Variants in EVC2 observed in about 807,000 individuals in gnomAD.
EVC2 encodes the protein EvC ciliary complex subunit 2, also known as limbin.
In EVC2, 148 loss-of-function variants were observed where a neutral mutation model predicts 149.3. The ratio of observed to expected loss-of-function variants is 0.99; its 90% CI spans 0.87 to 1.14. EVC2 has a LOEUF of 1.14. EVC2 is among the 50% of genes most tolerant of loss of function. The pLI, the probability that EVC2 is intolerant of heterozygous loss-of-function variation, is 0.00. For synonymous variants in EVC2, 776 were observed against 649.9 expected (o/e 1.19, Z -2.95); for missense variants, 1,854 against 1,627.3 (o/e 1.14, Z -2.40).
rs1333630218 is a variant in EVC2 at position 5,662,442 on chromosome 4, T to C, written c.1145+665A>G. The stretch of plus-strand genomic sequence containing the variant: ...GTTATTAGTTCAATAGTTTATTGAA[T>C]AAACTAATTATTCAATAATTATTAT... On this transcript the variant is annotated intron_variant, in intron 9 of 21. Transcript: ENST00000344408. 2.0e-5 allele frequency among the ~76,000 whole-genome samples: 3 copies of C among 146,944 alleles called. 1 individual carries two copies. Among genetic ancestry groups the C allele is most frequent in the African/African-American group, 7.5e-5 (3 of 40,254 alleles).
intron 13 of EVC2, among the ~76,000 whole-genome samples, chr4:5,623,807 T>TGGAG (rs1715911450): frequency 2.0e-5 from 3 of 152,222 alleles, no homozygotes; most frequent in South Asian, 4.1e-4. Flanking sequence ...TTACCCTCTC[T>TGGAG]GCGCCTCCAT....
rs1249566300 is a variant in EVC2, at chr4:5,618,045, C to T, written c.2706+433G>A. Among the ~76,000 whole-genome samples the T allele has an allele frequency of 6.6e-6, 1 of 152,216 alleles. No homozygotes were observed. The highest frequency in any genetic ancestry group is 1.5e-5 in the Non-Finnish European group (1 of 68,046). On this transcript the variant is annotated intron_variant, in intron 15 of 21. Coordinates refer to ENST00000344408, the MANE Select transcript of EVC2 (RefSeq NM_147127.5). The surrounding 1 kb of genome is among the most constrained non-coding windows in gnomAD (Gnocchi z 4.4). Reference sequence around the variant, plus strand: ...ATCCTTTAAGACCCTGTGCAAGAGCCCCTCTTTCCCTGACCCACCTGAGTT... The same window carrying T: ...ATCCTTTAAGACCCTGTGCAAGAGCTCCTCTTTCCCTGACCCACCTGAGTT...
In EVC2 at chr4:5,637,462, G is replaced by A. The variant is rs934746717; in HGVS notation, c.1470+3052C>T. Among the ~76,000 whole-genome samples the A allele has an allele frequency of 4.6e-5, 7 of 152,278 alleles. No individual in the cohort carries two copies. The highest frequency in any genetic ancestry group is 4.6e-4 in the Admixed American group (7 of 15,296). ...GTTGTGAACGCTAAAGAGAGTCAAT[G>A]GGATGTGCTTGGAACAATGCCAGAC... is the stretch of plus-strand genomic sequence containing the variant. On this transcript the variant is annotated intron_variant, in intron 10 of 21. Coordinates refer to ENST00000344408, the MANE Select transcript of EVC2 (RefSeq NM_147127.5). The surrounding 1 kb of genome is among the most constrained non-coding windows in gnomAD (Gnocchi z 4.4).
intron 9 of EVC2, among the ~76,000 whole-genome samples, chr4:5,650,867 C>T (rs1032786726): frequency 1.4e-4 from 22 of 152,110 alleles, no homozygotes; most frequent in Admixed American, 1.3e-3. Context: ...TGTCTCAAAA[C>T]GGCACACACG....
At chr4:5,690,586 A>C (rs1017676447) in intron 4 of EVC2, among the ~76,000 whole-genome samples, 7 of 151,978 alleles carry the variant, frequency 4.6e-5, no homozygotes, top group African/African-American at 1.2e-4. Context: ...GCCTGAGAAA[A>C]ACCCTGGACC....
the EVC2 span, among the ~76,000 whole-genome samples, chr4:5,533,248 G>A: frequency 5.6e-4 from 85 of 152,222 alleles, no homozygotes; most frequent in African/African-American, 1.8e-3. Context: ...TGAAGGTCTC[G>A]CTGAGATGGT....
At chr4:5,554,845 C>A (rs1721805349) in intron 21 of EVC2, among the ~76,000 whole-genome samples, 1 of 152,114 alleles carries the variant, frequency 6.6e-6, no homozygotes, top group African/African-American at 2.4e-5. Context: ...TTATACAAGC[C>A]AACTATTAAC....
chr4:5,581,037 A>G (rs1711719574), intron 17 of EVC2, among the ~76,000 whole-genome samples: 2 of 152,210 alleles, frequency 1.3e-5, no homozygotes, highest in South Asian at 2.1e-4. Flanking sequence ...GCCTTCTGCC[A>G]TAATTGTAAG....
At chr4:5,678,488 T>G (rs557899388) in intron 7 of EVC2, among the ~76,000 whole-genome samples, 4 of 152,314 alleles carry the variant, frequency 2.6e-5, no homozygotes, top group African/African-American at 7.2e-5. Context: ...TTGTAGTAAG[T>G]CATAGCAGTG....
intron 7 of EVC2, among the ~76,000 whole-genome samples, chr4:5,668,306 T>A (rs1719404915): frequency 6.6e-6 from 1 of 152,238 alleles, no homozygotes; most frequent in Non-Finnish European, 1.5e-5. Context: ...TCAGTTCAAA[T>A]GCTTATTGAA....
chr4:5,692,886 A>AAG (rs1560231685), intron 3 of EVC2, among the ~76,000 whole-genome samples: 1 of 136,104 alleles, frequency 7.3e-6, no homozygotes, highest in African/African-American at 3.2e-5. Flanking sequence ...AAAAAAAAAA[A>AAG]AAAAGAAAAA....
At position 5,670,155 on chromosome 4, in the gene EVC2, G is replaced by C. The variant is rs1415225320; in HGVS notation, c.871-4506C>G. Among the ~76,000 whole-genome samples, 1 of 152,090 alleles carries C rather than the reference G, an allele frequency of 6.6e-6. No homozygotes were observed. The highest frequency in any genetic ancestry group is 1.5e-5 in the Non-Finnish European group (1 of 68,020). On this transcript the variant is annotated intron_variant, in intron 7 of 21. Transcript: ENST00000344408. The surrounding 1 kb of genome is among the most constrained non-coding windows in gnomAD (Gnocchi z 5.2). The stretch of plus-strand genomic sequence containing the variant: ...TATGTAATTTTATGAGAAGAAGGAG[G>C]CTCCATATAATCACTACCATCACTA...
chr4:5,584,716 G>T lies in EVC2; in HGVS notation c.2964C>A (p.Leu988=). Residue 988 remains leucine (L), a synonymous_variant, in exon 17 of 22, where the codon CTC becomes CTA. Coordinates refer to ENST00000344408, the MANE Select transcript of EVC2 (RefSeq NM_147127.5). ...VTETLSAYTA[L]LSIQDLLLEE... ...CCAGGAGCAAGTCCTGGATGCTGAG[G>T]AGGGCGGTGTAGGCCGACAGAGTCT... 6.2e-7 allele frequency: 1 copy of T among 1,614,192 alleles called. No individual in the cohort carries two copies. Among genetic ancestry groups the T allele is most frequent in the Non-Finnish European group, 8.5e-7 (1 of 1,180,030 alleles).
intron 2 of EVC2, 130 bp downstream of exon 2, chr4:5,697,463 A>T: frequency 1.1e-6 from 1 of 903,840 alleles, no homozygotes; most frequent in Non-Finnish European, 1.8e-6. Context: ...TCAGGGAATG[A>T]TCTACTTGCC....
intron 16 of EVC2, among the ~76,000 whole-genome samples, chr4:5,615,114 T>A (rs989328538): frequency 2.6e-5 from 4 of 151,962 alleles, no homozygotes; most frequent in Non-Finnish European, 5.9e-5. Context: ...CGCCCCAGGA[T>A]AGAGCCAGGC....
chr4:5,567,233 G>C lies in EVC2; in HGVS notation c.3557+1211C>G, dbSNP rs75424061. Among the ~76,000 whole-genome samples the C allele has an allele frequency of 9.3e-3, 1,418 of 152,162 alleles. 19 individuals are homozygous for C. The highest frequency in any genetic ancestry group is 0.033 in the African/African-American group (1,361 of 41,508). On this transcript the variant is annotated intron_variant, in intron 20 of 21. Coordinates refer to ENST00000344408, the MANE Select transcript of EVC2 (RefSeq NM_147127.5). The surrounding 1 kb of genome is among the most constrained non-coding windows in gnomAD (Gnocchi z 4.4). ...ACTGGGCCCCAAGGCCACTAGGAAG[G>C]CTCTTCGACACTGTGGCCTCCTGCC...
Position 5,628,593 on chromosome 4 carries a change from C to A in EVC2, c.1852G>T (p.Ala618Ser). Residue 618 changes from alanine to serine, a missense_variant, in exon 12 of 22, where the codon GCC (alanine) becomes TCC (serine). By Grantham distance (99) the Ala-to-Ser change is moderately conservative. Coordinates refer to ENST00000344408, the MANE Select transcript of EVC2 (RefSeq NM_147127.5). The part of the protein sequence containing the change: ...RVQGLLSTAA[A>S]QLTHLIQKHE... ...TTCTGAATGAGGTGAGTCAGCTGGG[C>A]TGCAGCGGTGCTCAGAAGGCCCTGC... is the stretch of plus-strand genomic sequence containing the variant. The A allele has an allele frequency of 6.2e-7, 1 of 1,614,086 alleles. No individual in the cohort carries two copies. Among genetic ancestry groups the A allele is most frequent in the Non-Finnish European group, 8.5e-7 (1 of 1,180,008 alleles).
At chr4:5,555,698 A>T (rs1721826404) in intron 21 of EVC2, among the ~76,000 whole-genome samples, 1 of 152,228 alleles carries the variant, frequency 6.6e-6, no homozygotes, top group Non-Finnish European at 1.5e-5. Context: ...CTATAGTTGG[A>T]AACTCCAACA....
chr4:5,656,702 C>T (rs1341052691), intron 9 of EVC2, among the ~76,000 whole-genome samples: 1 of 152,174 alleles, frequency 6.6e-6, no homozygotes, highest in Non-Finnish European at 1.5e-5. Context: ...ACAACCCTCC[C>T]AGAGCCTTTG....
Sources: allele counts gnomAD v4.1 joint callset (sites outside exome capture counted in the v4.1 genomes callset), GRCh38; gene constraint gnomAD v4.1.1; non-coding constraint Gnocchi (gnomAD v3.1); transcripts MANE v1.5; gene names NCBI Gene and HGNC (gene_info 2026-07-23, HGNC 2026-07-21).